The following CHLSN variants were observed in gnomAD, a reference collection of about 807,000 sequenced individuals.
CHLSN encodes protein cholesin.
chr7:1,004,683 C>T, the CHLSN span, among the ~76,000 whole-genome samples: 4 of 152,190 alleles, frequency 2.6e-5, no homozygotes, highest in Non-Finnish European at 5.9e-5. Flanking sequence ...CTGGGCGAGG[C>T]CTCCTGAGTG....
At chr7:1,000,046 C>T in the CHLSN span, among the ~76,000 whole-genome samples, 7 of 152,242 alleles carry the variant, frequency 4.6e-5, no homozygotes, top group Non-Finnish European at 8.8e-5. Context: ...CACACGCACA[C>T]GTGCAGGTGG....
At chr7:1,110,332 G>A in the CHLSN span, among the ~76,000 whole-genome samples, 5 of 152,208 alleles carry the variant, frequency 3.3e-5, no homozygotes, top group African/African-American at 9.6e-5. Context: ...CAAGGATGCC[G>A]AGCAGGGCTT....
At chr7:1,045,009 C>A in the CHLSN span, among the ~76,000 whole-genome samples, 1 of 152,262 alleles carries the variant, frequency 6.6e-6, no homozygotes, top group Non-Finnish European at 1.5e-5. Flanking sequence ...TGACTGCTTT[C>A]GGCCCCTTCT....
chr7:1,028,264 C>T, the CHLSN span: 1 of 1,094,650 alleles, frequency 9.1e-7, no homozygotes, highest in African/African-American at 1.7e-5. Flanking sequence ...TGACCTCTGA[C>T]CCGGCTGTCA....
the CHLSN span, among the ~76,000 whole-genome samples, chr7:981,561 A>G: frequency 9.9e-5 from 15 of 151,772 alleles, no homozygotes; most frequent in South Asian, 3.1e-3. Flanking sequence ...TAAAGATACA[A>G]AAAGTAGCCA....
chr7:1,114,019 T>C, the CHLSN span, among the ~76,000 whole-genome samples: 8 of 152,240 alleles, frequency 5.3e-5, no homozygotes, highest in East Asian at 1.3e-3. Context: ...TCAAGTTAAA[T>C]GTCCTCTTGT....
At chr7:1,103,649 G>T in the CHLSN span, among the ~76,000 whole-genome samples, 3 of 152,184 alleles carry the variant, frequency 2.0e-5, no homozygotes, top group African/African-American at 7.2e-5. Context: ...CCCAACTTCA[G>T]AAATTCAGAC....
the CHLSN span, among the ~76,000 whole-genome samples, chr7:1,034,125 G>A: frequency 6.6e-6 from 1 of 152,264 alleles, no homozygotes. Flanking sequence ...CAGGGAGCTG[G>A]CAATGGGCTC....
the CHLSN span, among the ~76,000 whole-genome samples, chr7:1,123,129 C>T: frequency 1.3e-5 from 2 of 152,230 alleles, no homozygotes; most frequent in Non-Finnish European, 2.9e-5. This position sits in a 1 kb window ranked among gnomAD's most constrained non-coding sequence, Gnocchi z 4.4. Context: ...ACCTCACCAA[C>T]GCCAGACAGA....
chr7:1,011,387 C>T, the CHLSN span, among the ~76,000 whole-genome samples: 2 of 149,622 alleles, frequency 1.3e-5, no homozygotes, highest in Non-Finnish European at 3.0e-5. Context: ...CCACAGACAC[C>T]CAGACACCCA....
At chr7:1,131,874 G>C in the CHLSN span, among the ~76,000 whole-genome samples, 2 of 152,142 alleles carry the variant, frequency 1.3e-5, no homozygotes, top group African/African-American at 4.8e-5. Flanking sequence ...AGTGACTCAA[G>C]CTTTGAGATA....
chr7:1,044,684 C>T, the CHLSN span: 5 of 152,088 alleles, frequency 3.3e-5, no homozygotes, highest in African/African-American at 7.2e-5. Context: ...GAGCCTGGGT[C>T]GGGTCGGTGG....
At chr7:1,041,942 A>C in the CHLSN span, among the ~76,000 whole-genome samples, 1 of 151,496 alleles carries the variant, frequency 6.6e-6, no homozygotes, top group African/African-American at 2.4e-5. Flanking sequence ...AAGCCTGCCG[A>C]CCCGCCTGAA....
chr7:1,033,083 C>T, the CHLSN span, among the ~76,000 whole-genome samples: 1 of 152,350 alleles, frequency 6.6e-6, no homozygotes, highest in Non-Finnish European at 1.5e-5. Flanking sequence ...GGAACACAGC[C>T]CAGCTCGGTC....
chr7:998,577 T>C, the CHLSN span, among the ~76,000 whole-genome samples: 4 of 150,304 alleles, frequency 2.7e-5, no homozygotes, highest in East Asian at 7.9e-4. Context: ...CCCAAGTAGC[T>C]GGGATTATAG....
the CHLSN span, among the ~76,000 whole-genome samples, chr7:1,105,249 G>A: frequency 2.6e-5 from 4 of 152,216 alleles, no homozygotes; most frequent in East Asian, 7.7e-4. Flanking sequence ...TCAATATGGT[G>A]ACCAACTGAC....
At chr7:1,105,052 ACT>A in the CHLSN span, among the ~76,000 whole-genome samples, 7 of 152,186 alleles carry the variant, frequency 4.6e-5, no homozygotes, top group African/African-American at 7.2e-5. Context: ...ACTCTTCTGC[ACT>A]CTCTATTTTC....
chr7:994,418 C>G, the CHLSN span, among the ~76,000 whole-genome samples: 2 of 152,076 alleles, frequency 1.3e-5, no homozygotes, highest in Non-Finnish European at 2.9e-5. Flanking sequence ...CTTGGCCCCC[C>G]CCAAAGTGTT....
At chr7:995,842 G>A in the CHLSN span, among the ~76,000 whole-genome samples, 10 of 152,258 alleles carry the variant, frequency 6.6e-5, no homozygotes, top group Admixed American at 6.5e-4. Flanking sequence ...GCCCTGTGTC[G>A]TGGGTGGTCA....
Sources: allele counts gnomAD v4.1 joint callset (sites outside exome capture counted in the v4.1 genomes callset), GRCh38; gene constraint gnomAD v4.1.1; non-coding constraint Gnocchi (gnomAD v3.1); transcripts MANE v1.5; gene names NCBI Gene and HGNC (gene_info 2026-07-23, HGNC 2026-07-21).